The following DPP10 variants were observed in gnomAD, a reference collection of about 807,000 sequenced individuals.
The protein encoded by DPP10 is inactive dipeptidyl peptidase 10.
A neutral mutation model predicts 120.9 loss-of-function variants in DPP10; 33 were observed. That is an observed-to-expected ratio of 0.27 (90% CI 0.21 to 0.37). The LOEUF (loss-of-function observed/expected upper bound fraction) is 0.37. Among genes scored for constraint, DPP10 ranks in the 10% least tolerant of loss-of-function variants. The pLI is 1.00. For missense variants in DPP10, 816 were observed against 942.8 expected, an observed-to-expected ratio of 0.87 and a Z score of 1.76; for synonymous variants, 337 against 326.1, an observed-to-expected ratio of 1.03 and a Z score of -0.36.
intron 13 of DPP10, among the ~76,000 whole-genome samples, chr2:115,770,965 T>C (rs1427854295): frequency 6.6e-6 from 1 of 152,200 alleles, no homozygotes; most frequent in Middle Eastern, 3.2e-3. Flanking sequence ...TTACAACATT[T>C]AATTGTATTC....
intron 1 of DPP10, among the ~76,000 whole-genome samples, chr2:115,209,903 T>C (rs928790583): frequency 6.6e-6 from 1 of 152,182 alleles, no homozygotes; most frequent in Non-Finnish European, 1.5e-5. Context: ...ATATCTTAAG[T>C]AGGCCAGGTT....
At chr2:114,521,619 G>A (rs1408352391) in intron 1 of DPP10, among the ~76,000 whole-genome samples, 1 of 151,776 alleles carries the variant, frequency 6.6e-6, no homozygotes, top group African/African-American at 2.4e-5. Context: ...ACTAAAACCA[G>A]AATCTTAATG....
chr2:115,225,251 A>G (rs1324990544), intron 1 of DPP10, among the ~76,000 whole-genome samples: 1 of 151,982 alleles, frequency 6.6e-6, no homozygotes, highest in Non-Finnish European at 1.5e-5. Context: ...TCCAAGAGGG[A>G]AGATTAGAGA....
chr2:115,026,471 T>C (rs1703466855), intron 1 of DPP10, among the ~76,000 whole-genome samples: 1 of 152,174 alleles, frequency 6.6e-6, no homozygotes. Flanking sequence ...TTGTTCTTTT[T>C]GTTCAGGATT....
intron 1 of DPP10, among the ~76,000 whole-genome samples, chr2:114,782,350 A>C (rs975410953): frequency 6.6e-6 from 1 of 151,680 alleles, no homozygotes; most frequent in African/African-American, 2.4e-5. Flanking sequence ...TATATATGGA[A>C]TATATATACA....
intron 5 of DPP10, among the ~76,000 whole-genome samples, chr2:115,628,267 C>T (rs973888432): frequency 3.9e-5 from 6 of 152,128 alleles, no homozygotes. Flanking sequence ...CTCAATTGAT[C>T]AGTGATGTTG....
At chr2:115,721,154 A>C (rs781139662) in intron 7 of DPP10, among the ~76,000 whole-genome samples, 8 of 152,328 alleles carry the variant, frequency 5.3e-5, no homozygotes, top group Non-Finnish European at 1.0e-4. Context: ...ATATGTTAGG[A>C]ATCATGACTC....
chr2:115,652,148 A>G (rs2087842164), intron 5 of DPP10, among the ~76,000 whole-genome samples: 1 of 152,062 alleles, frequency 6.6e-6, no homozygotes, highest in Admixed American at 6.6e-5. Flanking sequence ...GATACATGAT[A>G]TATGCCAGAC....
intron 1 of DPP10, among the ~76,000 whole-genome samples, chr2:115,306,794 C>T (rs754824633): frequency 2.6e-5 from 4 of 152,024 alleles, no homozygotes; most frequent in Non-Finnish European, 5.9e-5. Context: ...GGTGGACTTC[C>T]GTAGCCAGCT....
intron 1 of DPP10, among the ~76,000 whole-genome samples, chr2:114,767,452 T>A (rs1056367977): frequency 6.6e-6 from 1 of 151,734 alleles, no homozygotes; most frequent in African/African-American, 2.4e-5. Flanking sequence ...AAATGATGAA[T>A]GATATGAATC....
intron 7 of DPP10, among the ~76,000 whole-genome samples, chr2:115,709,745 AAAAC>A (rs1333108668): frequency 6.6e-6 from 1 of 151,860 alleles, no homozygotes; most frequent in African/African-American, 2.4e-5. Flanking sequence ...AAAAGAGAGA[AAAAC>A]AAAACAAAAC....
chr2:114,931,879 A>G (rs1314833241), intron 1 of DPP10, among the ~76,000 whole-genome samples: 1 of 152,252 alleles, frequency 6.6e-6, no homozygotes, highest in Non-Finnish European at 1.5e-5. Context: ...ACTTTTTCAC[A>G]TAAGTGTACT....
chr2:115,546,527 C>T (rs1016052445), intron 5 of DPP10, among the ~76,000 whole-genome samples: 10 of 151,906 alleles, frequency 6.6e-5, no homozygotes, highest in Non-Finnish European at 1.3e-4. Context: ...CAATTTTATT[C>T]CTCATTTATT....
At chr2:115,634,800 A>C (rs1209850622) in intron 5 of DPP10, among the ~76,000 whole-genome samples, 1 of 152,194 alleles carries the variant, frequency 6.6e-6, no homozygotes, top group African/African-American at 2.4e-5. Flanking sequence ...AGATTCCTCA[A>C]AGCCAGCAGG....
chr2:115,273,583 G>A (rs908955198), intron 1 of DPP10, among the ~76,000 whole-genome samples: 10 of 152,270 alleles, frequency 6.6e-5, no homozygotes, highest in African/African-American at 2.2e-4. Flanking sequence ...TGATCCGCCC[G>A]CCTCGGCCTC....
chr2:114,907,437 C>A (rs2106635093), intron 1 of DPP10, among the ~76,000 whole-genome samples: 1 of 152,074 alleles, frequency 6.6e-6, no homozygotes, highest in South Asian at 2.1e-4. Flanking sequence ...GAATTTACAG[C>A]TATATATTTA....
At chr2:114,992,846 G>A (rs1245184816) in intron 1 of DPP10, among the ~76,000 whole-genome samples, 1 of 152,214 alleles carries the variant, frequency 6.6e-6, no homozygotes, top group African/African-American at 2.4e-5. Flanking sequence ...AAGTTAGCCT[G>A]TGAATGACTT....
At chr2:114,895,959 C>A (rs1237825196) in intron 1 of DPP10, among the ~76,000 whole-genome samples, 1 of 152,176 alleles carries the variant, frequency 6.6e-6, no homozygotes, top group African/African-American at 2.4e-5. Flanking sequence ...TATGGCTAGT[C>A]AGTTTTCCCA....
intron 1 of DPP10, among the ~76,000 whole-genome samples, chr2:114,740,702 G>T (rs1172230710): frequency 1.3e-5 from 2 of 152,062 alleles, no homozygotes; most frequent in East Asian, 1.9e-4. Context: ...CAACTAACCA[G>T]ACTAAGTGAA....
Sources: allele counts gnomAD v4.1 joint callset (sites outside exome capture counted in the v4.1 genomes callset), GRCh38; gene constraint gnomAD v4.1.1; transcripts MANE v1.5; gene names NCBI Gene and HGNC (gene_info 2026-07-23, HGNC 2026-07-21).